EPHB1: variants seen among roughly 807,000 people sequenced by gnomAD.
EPHB1 encodes the protein EPH receptor B1, also known as ephrin type-B receptor 1.
A neutral mutation model predicts 94.4 loss-of-function variants in EPHB1; 30 were observed. The ratio of observed to expected loss-of-function variants is 0.32; its 90% CI spans 0.24 to 0.43. EPHB1 has a LOEUF of 0.43. EPHB1 is among the 20% of genes least tolerant of loss of function. The pLI, the probability that EPHB1 is intolerant of heterozygous loss-of-function variation, is 1.00. For synonymous variants in EPHB1, 522 were observed against 489.1 expected (o/e 1.07, Z -0.89); for missense variants, 1,055 against 1,308.3 (o/e 0.81, Z 2.99).
At chr3:135,233,795 G>A (rs755492951) in intron 12 of EPHB1, among the ~76,000 whole-genome samples, 3 of 152,160 alleles carry the variant, frequency 2.0e-5, no homozygotes, top group Non-Finnish European at 2.9e-5. Context: ...CTTGTCTTCC[G>A]CACACTCACA....
intron 1 of EPHB1, among the ~76,000 whole-genome samples, chr3:134,901,509 C>T (rs1207057728): frequency 6.6e-6 from 1 of 152,218 alleles, no homozygotes; most frequent in Non-Finnish European, 1.5e-5. Flanking sequence ...AGAGTTACAC[C>T]TGGAGGCTTG....
At chr3:135,153,041 G>A (rs1382368679) in intron 5 of EPHB1, among the ~76,000 whole-genome samples, 2 of 152,102 alleles carry the variant, frequency 1.3e-5, no homozygotes, top group South Asian at 2.1e-4. Flanking sequence ...TCTCCCTGAG[G>A]GGCTGCATGT....
At chr3:134,991,918 G>A (rs970066071) in intron 3 of EPHB1, among the ~76,000 whole-genome samples, 1 of 152,078 alleles carries the variant, frequency 6.6e-6, no homozygotes, top group African/African-American at 2.4e-5. Context: ...GCTTCTCCAG[G>A]TTGTGGTGTG....
intron 3 of EPHB1, among the ~76,000 whole-genome samples, chr3:134,955,431 A>G (rs1450646611): frequency 1.1e-5 from 1 of 88,488 alleles, no homozygotes; most frequent in African/African-American, 5.9e-5. Context: ...TACAAAGGAC[A>G]TGAACTCATC....
intron 10 of EPHB1, among the ~76,000 whole-genome samples, chr3:135,180,852 T>G (rs895810056): frequency 1.3e-5 from 2 of 152,262 alleles, no homozygotes; most frequent in Admixed American, 1.3e-4. Context: ...TCTGCAACAT[T>G]CTTCGTCTTT....
intron 1 of EPHB1, among the ~76,000 whole-genome samples, chr3:134,855,749 C>T (rs2037101741): frequency 2.0e-5 from 3 of 152,020 alleles, no homozygotes; most frequent in Non-Finnish European, 4.4e-5. Context: ...AAATATACCC[C>T]AGAACAGGGA....
chr3:135,055,498 G>A (rs1273051848), intron 3 of EPHB1, among the ~76,000 whole-genome samples: 3 of 152,152 alleles, frequency 2.0e-5, no homozygotes, highest in Non-Finnish European at 4.4e-5. Context: ...TAAGGTGGTT[G>A]GCCCTTGTCC....
intron 3 of EPHB1, among the ~76,000 whole-genome samples, chr3:135,029,332 A>G (rs1002153585): frequency 6.6e-6 from 1 of 151,940 alleles, no homozygotes; most frequent in African/African-American, 2.4e-5. Context: ...TGGTCTTTAC[A>G]TTTTGGCATG....
At chr3:135,067,730 A>G (rs907189553) in intron 3 of EPHB1, 1 of 152,332 alleles carries the variant, frequency 6.6e-6, no homozygotes, top group African/African-American at 2.4e-5. Context: ...ATATTGTTAC[A>G]AAGTTCAGCT....
chr3:134,831,860 T>G (rs377634714), intron 1 of EPHB1, among the ~76,000 whole-genome samples: 10 of 152,352 alleles, frequency 6.6e-5, no homozygotes, highest in African/African-American at 2.2e-4. Flanking sequence ...GAGGGAGAAC[T>G]GAACCTGTTT....
chr3:135,133,278 A>C (rs1040201467), intron 5 of EPHB1, among the ~76,000 whole-genome samples: 1 of 152,242 alleles, frequency 6.6e-6, no homozygotes, highest in African/African-American at 2.4e-5. Context: ...CCCAGCACAA[A>C]AGCAAAGAGG....
chr3:134,921,060 T>G (rs2038675630), intron 1 of EPHB1, among the ~76,000 whole-genome samples: 1 of 152,108 alleles, frequency 6.6e-6, no homozygotes, highest in Non-Finnish European at 1.5e-5. Flanking sequence ...TATGCTAGGT[T>G]TCTTATGCAT....
At chr3:135,197,535 ATCTATGAT>A (rs1243939961) in intron 11 of EPHB1, among the ~76,000 whole-genome samples, 5 of 152,238 alleles carry the variant, frequency 3.3e-5, no homozygotes, top group African/African-American at 1.2e-4. Flanking sequence ...GTTAGAAAAA[ATCTATGAT>A]TCATTTTGTT....
intron 1 of EPHB1, among the ~76,000 whole-genome samples, chr3:134,915,957 T>C (rs1465918712): frequency 6.6e-6 from 1 of 152,172 alleles, no homozygotes; most frequent in Non-Finnish European, 1.5e-5. Flanking sequence ...TATTCTCTTA[T>C]CTGGCCCCAC....
At chr3:135,162,509 C>G (rs1401613622) in intron 7 of EPHB1, among the ~76,000 whole-genome samples, 1 of 152,174 alleles carries the variant, frequency 6.6e-6, no homozygotes, top group African/African-American at 2.4e-5. Flanking sequence ...TTCACCCTCA[C>G]GCCCACTTCA....
At chr3:134,952,303 A>T (rs539698070) in intron 3 of EPHB1, among the ~76,000 whole-genome samples, 37 of 152,212 alleles carry the variant, frequency 2.4e-4, no homozygotes, top group Middle Eastern at 3.4e-3. Context: ...ATAACTTAAT[A>T]ACCAGTCCAT....
At chr3:134,860,777 C>T (rs984108553) in intron 1 of EPHB1, among the ~76,000 whole-genome samples, 3 of 136,134 alleles carry the variant, frequency 2.2e-5, no homozygotes, top group African/African-American at 7.9e-5. Flanking sequence ...TGTGCCACTG[C>T]ACTCCAGCCT....
At chr3:135,050,287 G>A (rs1937132770) in intron 3 of EPHB1, among the ~76,000 whole-genome samples, 1 of 152,100 alleles carries the variant, frequency 6.6e-6, no homozygotes, top group Non-Finnish European at 1.5e-5. Flanking sequence ...AAAATGTAAT[G>A]ACCACCTACA....
intron 3 of EPHB1, among the ~76,000 whole-genome samples, chr3:134,964,916 T>G (rs916113780): frequency 2.6e-5 from 4 of 152,234 alleles, no homozygotes; most frequent in Admixed American, 2.6e-4. Flanking sequence ...TCTGTCTTGA[T>G]GCGAATTGCA....
Sources: gnomAD v4.1 joint callset for allele counts (sites outside exome capture counted in the v4.1 genomes callset) on GRCh38, gnomAD v4.1.1 for gene constraint, MANE v1.5 for transcripts, NCBI Gene and HGNC (gene_info 2026-07-23, HGNC 2026-07-21) for gene names.